The following CEP112 variants were observed in gnomAD, a reference collection of about 807,000 sequenced individuals.
CEP112 encodes centrosomal protein of 112 kDa.
Under a neutral mutation model 153.0 loss-of-function variants are expected in CEP112, and 127 were observed. The ratio of observed to expected loss-of-function variants is 0.83; its 90% CI spans 0.72 to 0.96. CEP112 has a LOEUF of 0.96. Among genes scored for constraint, CEP112 ranks in the 40% least tolerant of loss-of-function variants. The pLI is 0.00. For synonymous variants in CEP112, 358 were observed against 374.4 expected, an observed-to-expected ratio of 0.96 and a Z score of 0.51; for missense variants, 1,089 against 1,101.2, an observed-to-expected ratio of 0.99 and a Z score of 0.16.
intron 22 of CEP112, among the ~76,000 whole-genome samples, chr17:65,744,969 C>G (rs2145184520): frequency 6.6e-6 from 1 of 152,306 alleles, no homozygotes; most frequent in South Asian, 2.1e-4. Context: ...AGTTATCTTT[C>G]TTGAAGCTCA....
intron 21 of CEP112, among the ~76,000 whole-genome samples, chr17:65,821,904 G>A (rs2056606073): frequency 1.3e-5 from 2 of 151,532 alleles, no homozygotes; most frequent in South Asian, 4.2e-4. Flanking sequence ...CACTAAGAAG[G>A]TATCACAAAC....
intron 25 of CEP112, among the ~76,000 whole-genome samples, chr17:65,638,180 G>A (rs1324077473): frequency 6.6e-6 from 1 of 152,154 alleles, no homozygotes; most frequent in Non-Finnish European, 1.5e-5. Flanking sequence ...GGAGGAAACT[G>A]GGTTGTTTAG....
chr17:65,914,221 C>G (rs1260375647), intron 19 of CEP112, among the ~76,000 whole-genome samples: 1 of 149,928 alleles, frequency 6.7e-6, no homozygotes, highest in Non-Finnish European at 1.5e-5. Context: ...ATGTGTTTCT[C>G]TACAACACAT....
chr17:66,083,124 A>G (rs2146189315), intron 8 of CEP112, among the ~76,000 whole-genome samples: 1 of 152,280 alleles, frequency 6.6e-6, no homozygotes, highest in Non-Finnish European at 1.5e-5. Context: ...TGTAGCTACC[A>G]TCATTCCAAT....
chr17:65,683,548 G>A (rs1318602082), intron 24 of CEP112, among the ~76,000 whole-genome samples: 4 of 152,164 alleles, frequency 2.6e-5, no homozygotes, highest in Non-Finnish European at 5.9e-5. Flanking sequence ...GGAAGGACCC[G>A]GCTCCCCGGA....
At chr17:65,980,703 G>A (rs1392069322) in intron 17 of CEP112, among the ~76,000 whole-genome samples, 1 of 152,102 alleles carries the variant, frequency 6.6e-6, no homozygotes, top group Non-Finnish European at 1.5e-5. Context: ...ACCATTTGGG[G>A]GAATTTAAGG....
chr17:66,052,427 T>C (rs988815110), intron 12 of CEP112, among the ~76,000 whole-genome samples: 3 of 152,124 alleles, frequency 2.0e-5, no homozygotes, highest in African/African-American at 7.2e-5. Flanking sequence ...GTTCCAGGCT[T>C]ATGGATCTTG....
intron 17 of CEP112, among the ~76,000 whole-genome samples, chr17:65,980,403 G>A (rs2063185942): frequency 6.6e-6 from 1 of 152,172 alleles, no homozygotes; most frequent in Admixed American, 6.5e-5. Flanking sequence ...GGATAGAAAT[G>A]TTTGACATTT....
intron 18 of CEP112, among the ~76,000 whole-genome samples, chr17:65,940,982 CA>C (rs1384250049): frequency 1.3e-5 from 2 of 151,850 alleles, no homozygotes; most frequent in Non-Finnish European, 1.5e-5. Flanking sequence ...ATATATGTAT[CA>C]AAACATCACA....
intron 19 of CEP112, among the ~76,000 whole-genome samples, chr17:65,915,326 G>C (rs1293581937): frequency 1.3e-5 from 2 of 152,030 alleles, no homozygotes; most frequent in Non-Finnish European, 2.9e-5. Context: ...CTGCAAAATA[G>C]ATCCCAAATC....
intron 6 of CEP112, among the ~76,000 whole-genome samples, chr17:66,106,062 A>G (rs1449778067): frequency 1.3e-5 from 2 of 152,162 alleles, no homozygotes; most frequent in African/African-American, 2.4e-5. Context: ...TGGGTCAATA[A>G]AGAAATAAAG....
At chr17:65,718,491 C>T (rs981718034) in intron 23 of CEP112, among the ~76,000 whole-genome samples, 3 of 151,252 alleles carry the variant, frequency 2.0e-5, no homozygotes, top group African/African-American at 7.4e-5. Context: ...TTCAACTCAT[C>T]CCATTACAAT....
At chr17:66,139,612 GA>G (rs892083477) in intron 4 of CEP112, among the ~76,000 whole-genome samples, 26 of 147,312 alleles carry the variant, frequency 1.8e-4, no homozygotes, top group Admixed American at 8.8e-4. Flanking sequence ...TATCTCAAGA[GA>G]AAAAAAAAAG....
chr17:65,713,774 G>A (rs535558488), intron 23 of CEP112, among the ~76,000 whole-genome samples: 179 of 152,158 alleles, frequency 1.2e-3, no homozygotes, highest in Admixed American at 2.8e-3. Context: ...ATTTTTAGTA[G>A]AGACGGGGTT....
rs371923484 is a variant in CEP112, at chr17:65,861,489, C to G, written c.2164-9455G>C. On this transcript the variant is annotated intron_variant, in intron 20 of 26. Transcript: ENST00000535342. ...AACTAAATCACAAACTGGAAGGGAA[C>G]ATCTGCAACATATGTAACTTACAAA... is the stretch of plus-strand genomic sequence containing the variant. Among the ~76,000 whole-genome samples the G allele has an allele frequency of 5.6e-4, 86 of 152,260 alleles. 1 individual carries two copies. In the Middle Eastern group the frequency reaches 0.014, roughly 24 times the overall value.
chr17:65,717,734 CATG>C (rs2049615012), intron 23 of CEP112, among the ~76,000 whole-genome samples: 1 of 152,192 alleles, frequency 6.6e-6, no homozygotes, highest in Non-Finnish European at 1.5e-5. Context: ...TTTTCCCACT[CATG>C]ATTTCTTGGA....
At chr17:66,141,741 CTATTT>C in intron 4 of CEP112, among the ~76,000 whole-genome samples, 1 of 152,220 alleles carries the variant, frequency 6.6e-6, no homozygotes, top group East Asian at 1.9e-4. Flanking sequence ...GAAAAATATT[CTATTT>C]TATGTATATA....
At chr17:66,184,634 T>C (rs1473364907) in intron 1 of CEP112, among the ~76,000 whole-genome samples, 2 of 152,156 alleles carry the variant, frequency 1.3e-5, no homozygotes, top group African/African-American at 2.4e-5. Flanking sequence ...GAAACTCTCA[T>C]GCATTGCTGG....
chr17:66,018,668 G>A (rs942903565), intron 16 of CEP112, among the ~76,000 whole-genome samples: 1 of 152,116 alleles, frequency 6.6e-6, no homozygotes, highest in Non-Finnish European at 1.5e-5. Context: ...TAAATATACG[G>A]CTGTGACTAT....
Sources: gnomAD v4.1 joint callset for allele counts (sites outside exome capture counted in the v4.1 genomes callset) on GRCh38, gnomAD v4.1.1 for gene constraint, MANE v1.5 for transcripts, NCBI Gene and HGNC (gene_info 2026-07-23, HGNC 2026-07-21) for gene names.